The following FGFR1OP2 variants were observed in gnomAD, a reference collection of about 807,000 sequenced individuals.
FGFR1OP2 encodes FGFR1 oncogene partner 2.
FGFR1OP2 carries 17 observed loss-of-function variants against 35.2 expected under a neutral mutation model. The ratio of observed to expected loss-of-function variants is 0.48; its 90% confidence interval spans 0.33 to 0.73. The LOEUF (loss-of-function observed/expected upper bound fraction) is 0.73. FGFR1OP2 is among the 30% of genes least tolerant of loss of function. The probability of loss-of-function intolerance (pLI) is 0.02; values close to 1 mark genes in which losing one functional copy is unlikely to be tolerated. For synonymous variants in FGFR1OP2, 105 were observed against 104.6 expected, an observed-to-expected ratio of 1.00 and a Z score of -0.03; for missense variants, 251 against 307.3, an observed-to-expected ratio of 0.82 and a Z score of 1.37.
At position 26,964,609 on chromosome 12, in the gene FGFR1OP2, G is replaced by C; in HGVS notation, c.638G>C (p.Gly213Ala). 1 of 1,612,570 alleles carries C rather than the reference G, an allele frequency of 6.2e-7. No homozygotes were observed. The highest frequency in any genetic ancestry group is 8.5e-7 in the Non-Finnish European group (1 of 1,179,124). ...CTTGCCTTTTAGCAAGAAAACAAAG[G>C]CTTGAGAGAGATCCTTCAAATAACT... ...RIFQLEQENK[G>A]LREILQITRE... Residue 213 changes from glycine (G) to alanine (A), a missense_variant, in exon 7 of 7, where the codon GGC becomes GCC. Gly to Ala is a moderately conservative substitution (Grantham distance 60, BLOSUM62 0). Transcript: ENST00000229395.
At chr12:26,954,382 C>T in intron 2 of FGFR1OP2, 89 bp downstream of exon 2, 1 of 1,431,092 alleles carries the variant, frequency 7.0e-7, no homozygotes, top group African/African-American at 1.4e-5. Context: ...TAATTTTTTT[C>T]AACATTCTCT....
chr12:26,943,909 C>T (rs1938779557), intron 1 of FGFR1OP2, among the ~76,000 whole-genome samples: 1 of 152,126 alleles, frequency 6.6e-6, no homozygotes, highest in African/African-American at 2.4e-5. Flanking sequence ...TCTTTTAGAT[C>T]CTCTTTAGTT....
chr12:26,957,525 A>C, intron 3 of FGFR1OP2, 76 bp from the exon 4 acceptor site: 1 of 1,320,170 alleles, frequency 7.6e-7, no homozygotes, highest in Non-Finnish European at 1.0e-6. Context: ...TCCCGTTCAT[A>C]AGTTGCTTAG....
At chr12:26,960,874 A>G (rs1304566333) in intron 5 of FGFR1OP2, 9 of 319,000 alleles carry the variant, frequency 2.8e-5, no homozygotes, top group African/African-American at 1.9e-4. Context: ...ATTCAGTCCA[A>G]CGCTTTATTT....
chr12:26,942,077 G>T (rs1468306712), intron 1 of FGFR1OP2, among the ~76,000 whole-genome samples: 1 of 152,226 alleles, frequency 6.6e-6, no homozygotes, highest in Admixed American at 6.5e-5. Flanking sequence ...CTGTCGCCCA[G>T]GCTGGAGTGC....
intron 1 of FGFR1OP2, among the ~76,000 whole-genome samples, chr12:26,950,188 C>T (rs1373136091): frequency 1.4e-5 from 2 of 140,018 alleles, no homozygotes; most frequent in Admixed American, 1.5e-4. Context: ...TACCATCAAG[C>T]CATCAAGTAG....
chr12:26,941,143 G>A (rs942925291), intron 1 of FGFR1OP2, among the ~76,000 whole-genome samples: 9 of 151,900 alleles, frequency 5.9e-5, no homozygotes, highest in Non-Finnish European at 1.3e-4. Context: ...CCTGTAATTT[G>A]GACCCGCCTA....
At position 26,964,538 on chromosome 12, in the gene FGFR1OP2, T is replaced by C. The variant is rs1939146421; in HGVS notation, c.625-58T>C. The C allele has an allele frequency of 4.5e-6, 7 of 1,568,716 alleles. No homozygotes were observed. The South Asian group carries it at 8.0e-5, about 18-fold the overall frequency. On this transcript the variant is annotated intron_variant, in intron 6 of 6. Transcript: ENST00000229395. Reference sequence around the variant, plus strand: ...TTCAGTTTTTCCTAACATATGTTTGTGATGTTGTAGCTACCTTGTAGATAG... The same window carrying C: ...TTCAGTTTTTCCTAACATATGTTTGCGATGTTGTAGCTACCTTGTAGATAG...
intron 1 of FGFR1OP2, among the ~76,000 whole-genome samples, chr12:26,948,449 A>C (rs900011961): frequency 6.6e-6 from 1 of 152,218 alleles, no homozygotes; most frequent in Non-Finnish European, 1.5e-5. Flanking sequence ...CTGTTCTTTC[A>C]GCATTTTGAA....
intron 1 of FGFR1OP2, among the ~76,000 whole-genome samples, chr12:26,938,956 C>G (rs1026552949): frequency 6.6e-6 from 1 of 152,218 alleles, no homozygotes; most frequent in South Asian, 2.1e-4. Context: ...GGCTCTAACC[C>G]TGTGGACACA....
intron 1 of FGFR1OP2, among the ~76,000 whole-genome samples, chr12:26,951,457 T>G (rs1221263118): frequency 6.6e-6 from 1 of 152,164 alleles, no homozygotes; most frequent in Non-Finnish European, 1.5e-5. Context: ...GTAGCTGGTA[T>G]CACAGGTGTG....
chr12:26,954,562 A>G (rs553628317), intron 2 of FGFR1OP2, among the ~76,000 whole-genome samples: 1 of 152,354 alleles, frequency 6.6e-6, no homozygotes, highest in East Asian at 1.9e-4. Flanking sequence ...GTCTAGAAAC[A>G]TTTGACAAAG....
At chr12:26,946,884 C>G (rs929491412) in intron 1 of FGFR1OP2, among the ~76,000 whole-genome samples, 2 of 152,174 alleles carry the variant, frequency 1.3e-5, no homozygotes, top group African/African-American at 4.8e-5. Flanking sequence ...CTTTCAGCCT[C>G]TGTGGATTTG....
chr12:26,939,143 C>T (rs1446471946), intron 1 of FGFR1OP2, among the ~76,000 whole-genome samples: 1 of 152,158 alleles, frequency 6.6e-6, no homozygotes, highest in African/African-American at 2.4e-5. Context: ...TATCCCATCT[C>T]TGATAATGGT....
At chr12:26,958,023 G>C (rs1332573093) in intron 4 of FGFR1OP2, 2 of 248,446 alleles carry the variant, frequency 8.1e-6, no homozygotes, top group Non-Finnish European at 1.6e-5. Flanking sequence ...GGTAAGTCTG[G>C]TCTCTTCAAC....
intron 1 of FGFR1OP2, among the ~76,000 whole-genome samples, chr12:26,945,861 CAAAAA>C (rs74728377): frequency 1.2e-5 from 1 of 81,464 alleles, no homozygotes. Flanking sequence ...AACTCCGTCT[CAAAAA>C]AAAAAAAAAA....
Position 26,966,411 on chromosome 12 carries a change from T to G in FGFR1OP2, c.*1678T>G, listed in dbSNP as rs1486631933. ...TTGAGGCAGCTCTACTATAAAAGCTTACTTGATAAATAATTATTTTTGTAA... is the reference window on the plus strand; with the variant it reads ...TTGAGGCAGCTCTACTATAAAAGCTGACTTGATAAATAATTATTTTTGTAA... On this transcript the variant is annotated 3_prime_UTR_variant, in exon 7 of 7. Transcript: ENST00000229395. The G allele has an allele frequency of 2.0e-5, 3 of 152,152 alleles. No individual in the cohort carries two copies. Among genetic ancestry groups the G allele is most frequent in the Non-Finnish European group, 4.4e-5 (3 of 67,994 alleles). The allele number at this position is 152,152 out of a possible 1,614,324, so 9.4% of individuals were successfully genotyped here. A position where few individuals can be genotyped will look rare whatever the true frequency, so the allele number is the denominator to read the frequency against.
chr12:26,956,030 T>TA (rs1555211891), intron 2 of FGFR1OP2, among the ~76,000 whole-genome samples: 49 of 151,156 alleles, frequency 3.2e-4, no homozygotes, highest in Middle Eastern at 3.4e-3. Flanking sequence ...TTTTTTTTTT[T>TA]AAAAAAAAGC....
chr12:26,954,278 A>G lies in FGFR1OP2; in HGVS notation c.120A>G (p.Val40=). 2 of 1,605,554 alleles carry G rather than the reference A, an allele frequency of 1.2e-6. No homozygotes were observed. Among genetic ancestry groups the G allele is most frequent in the Non-Finnish European group, 1.7e-6 (2 of 1,176,014 alleles). The part of the protein sequence containing the change: ...IEQTTALNKR[V]EAMKQYQEEI... The stretch of plus-strand genomic sequence containing the variant: ...AAACCACAGCTCTCAACAAGCGAGT[A>G]GAAGCCATGAAACAGGTTTGATTTT... The change falls in exon 2 of 7, where the codon GTA becomes GTG. Residue 40 remains valine (V), a synonymous_variant. Coordinates refer to ENST00000229395, the MANE Select transcript of FGFR1OP2 (RefSeq NM_015633.3).
Sources: allele counts gnomAD v4.1 joint callset (sites outside exome capture counted in the v4.1 genomes callset), GRCh38; gene constraint gnomAD v4.1.1; transcripts MANE v1.5; gene names NCBI Gene and HGNC (gene_info 2026-07-23, HGNC 2026-07-21).